The following TEX38 variants were observed in gnomAD, a reference collection of about 807,000 sequenced individuals.
TEX38 encodes the protein testis expressed 38, also known as testis-expressed protein 38.
TEX38 carries 5 observed loss-of-function variants against 2.7 expected under a neutral mutation model. That is an observed-to-expected ratio of 1.86 (90% CI 0.97 to 3.90). TEX38 has a LOEUF of 3.90. TEX38 is among the 30% of genes most tolerant of loss of function. The pLI is 0.00. For synonymous variants in TEX38, 110 were observed against 103.3 expected (o/e 1.06, Z -0.39); for missense variants, 218 against 247.9 (o/e 0.88, Z 0.81).
rs1376162735 is a variant in TEX38 at position 46,673,185 on chromosome 1, A to G, written c.350A>G (p.Asp117Gly). 6.4e-7 allele frequency: 1 copy of G among 1,551,446 alleles called. No individual in the cohort carries two copies. ...IPEGRSHADQ[D>G]SNPKAEAPAP... ...GAAGGCAGGAGCCATGCTGACCAAG[A>G]CAGCAACCCCAAGGCGGAAGCCCCT... The change falls in exon 2 of 2, where the codon GAC (aspartate) becomes GGC (glycine). Residue 117 changes from aspartate (D) to glycine (G), a missense_variant. Asp to Gly is a moderately conservative substitution (Grantham distance 94). Transcript: ENST00000334122.
In TEX38 at chr1:46,673,339, C is replaced by T. The variant is rs149831724; in HGVS notation, c.504C>T (p.His168=). The T allele has an allele frequency of 3.4e-5, 52 of 1,551,828 alleles. 1 individual carries two copies. In the East Asian group the frequency reaches 1.2e-3, roughly 36 times the overall value. The change falls in exon 2 of 2, where the codon CAC becomes CAT. Residue 168 remains histidine (H), a synonymous_variant. Coordinates refer to ENST00000334122, the MANE Select transcript of TEX38 (RefSeq NM_001145474.4). The part of the protein sequence containing the change: ...PLCNLPPLLN[H]SVSYPLATCP... Reference sequence around the variant, plus strand: ...GCAACCTACCCCCCCTGCTGAACCACTCTGTCTCCTATCCTTTGGCCACCT... The same window carrying T: ...GCAACCTACCCCCCCTGCTGAACCATTCTGTCTCCTATCCTTTGGCCACCT...
intron 1 of TEX38, 81 bp from the exon 2 acceptor site, chr1:46,672,792 T>G (rs1676608603): frequency 3.9e-6 from 5 of 1,288,370 alleles, no homozygotes; most frequent in Non-Finnish European, 5.3e-6. Context: ...ATGGGTTAAG[T>G]GAAAGAGGAA....
intron 1 of TEX38, 140 bp from the exon 2 acceptor site, chr1:46,672,733 G>A: frequency 1.3e-6 from 1 of 762,542 alleles, no homozygotes. Context: ...AAGTCAATAA[G>A]GGAGGGAAGG....
intron 1 of TEX38, 124 bp downstream of exon 1, chr1:46,672,095 G>A: frequency 1.1e-6 from 1 of 916,400 alleles, no homozygotes; most frequent in Non-Finnish European, 1.6e-6. Context: ...TAAGCAGTTA[G>A]GAGATAGTCT....
upstream of TEX38, chr1:46,671,780 A>T (rs1353377083): frequency 1.3e-6 from 1 of 781,652 alleles, no homozygotes; most frequent in East Asian, 2.7e-5. Context: ...AGAATGCCCA[A>T]TTCTCAGAAC....
In TEX38 at chr1:46,671,931, C is replaced by G; in HGVS notation, c.-4C>G. 6.5e-7 allele frequency: 1 copy of G among 1,550,282 alleles called. No homozygotes were observed. Among genetic ancestry groups the G allele is most frequent in the Non-Finnish European group, 8.7e-7 (1 of 1,146,174 alleles). On this transcript the variant is annotated 5_prime_UTR_variant, in exon 1 of 2. Transcript: ENST00000334122. ...CCATCGGCCAGGTACCAAAGCTCAG[C>G]TGTATGGATTCCCAACAGGAGGACC...
rs1676627971 is a variant in TEX38 at position 46,673,346 on chromosome 1, T to C, written c.511T>C (p.Ser171Pro). The C allele has an allele frequency of 6.4e-7, 1 of 1,551,794 alleles. No individual in the cohort carries two copies. The highest frequency in any genetic ancestry group is 8.7e-7 in the Non-Finnish European group (1 of 1,147,022). ...NLPPLLNHSVSYPLATCPERN... is the reference protein window; with the variant it reads ...NLPPLLNHSVPYPLATCPERN... ...ACCCCCCCTGCTGAACCACTCTGTC[T>C]CCTATCCTTTGGCCACCTGTCCTGA... Residue 171 changes from serine (S) to proline (P), a missense_variant, in exon 2 of 2, where the codon TCC becomes CCC. Transcript: ENST00000334122.
In TEX38 at chr1:46,673,064, A is replaced by G. The variant is rs772346880; in HGVS notation, c.229A>G (p.Met77Val). Residue 77 changes from methionine (M) to valine (V), a missense_variant, in exon 2 of 2, where the codon ATG (methionine) becomes GTG (valine). By Grantham distance (21) the Met-to-Val change is conservative. Transcript: ENST00000334122. ...YWINKRRRYG[M>V]NAAINTGPAP... is the part of the protein sequence containing the mutation. ...GATTAACAAGCGACGGCGCTACGGCATGAATGCAGCCATCAACACGGGCCC... is the reference window on the plus strand; with the variant it reads ...GATTAACAAGCGACGGCGCTACGGCGTGAATGCAGCCATCAACACGGGCCC... 1 of 1,551,796 alleles carries G rather than the reference A, an allele frequency of 6.4e-7. No homozygotes were observed. Among genetic ancestry groups the G allele is most frequent in the South Asian group, 1.2e-5 (1 of 84,062 alleles).
At chr1:46,669,305 A>G (rs2148830420), upstream of TEX38, 1 of 422,440 alleles carries the variant, frequency 2.4e-6, no homozygotes, top group South Asian at 1.7e-5. Context: ...AATCCAACCT[A>G]TGCTCATGGA....
Position 46,673,209 on chromosome 1 carries a change from C to T in TEX38, c.374C>T (p.Pro125Leu), listed in dbSNP as rs1357869432. Residue 125 changes from proline (P) to leucine (L), a missense_variant, in exon 2 of 2, where the codon CCT becomes CTT. Transcript: ENST00000334122. ...DQDSNPKAEA[P>L]APLQPALQLA... is the part of the protein sequence containing the mutation. Reference sequence around the variant, plus strand: ...GACAGCAACCCCAAGGCGGAAGCCCCTGCTCCCCTGCAACCTGCACTGCAG... The same window carrying T: ...GACAGCAACCCCAAGGCGGAAGCCCTTGCTCCCCTGCAACCTGCACTGCAG... 1 of 1,550,592 alleles carries T rather than the reference C, an allele frequency of 6.4e-7. No individual in the cohort carries two copies. The highest frequency in any genetic ancestry group is 8.7e-7 in the Non-Finnish European group (1 of 1,146,378).
chr1:46,671,681 AAGT>A (rs2148831291), upstream of TEX38: 2 of 521,670 alleles, frequency 3.8e-6, no homozygotes, highest in East Asian at 6.7e-5. Context: ...TCTCTGATGG[AAGT>A]AGTAGTGACA....
At position 46,672,888 on chromosome 1, in the gene TEX38, A is replaced by G. The variant is rs1485084346; in HGVS notation, c.53A>G (p.Tyr18Cys). 5.8e-6 allele frequency: 9 copies of G among 1,550,992 alleles called. No homozygotes were observed. Among genetic ancestry groups the G allele is most frequent in the Non-Finnish European group, 7.0e-6 (8 of 1,146,692 alleles). The part of the protein sequence containing the change: ...LRFPGMWVSL[Y>C]FGILGLCSVI... Reference sequence around the variant, plus strand: ...GCTGCCTTAGTGTGGGTCTCATTGTACTTTGGAATCCTGGGGCTGTGTTCT... The same window carrying G: ...GCTGCCTTAGTGTGGGTCTCATTGTGCTTTGGAATCCTGGGGCTGTGTTCT... The change falls in exon 2 of 2, where the codon TAC (tyrosine) becomes TGC (cysteine). Residue 18 changes from tyrosine (Y) to cysteine (C), a missense_variant. Physicochemically the swap from Tyr to Cys is radical, Grantham distance 194. Coordinates refer to ENST00000334122, the MANE Select transcript of TEX38 (RefSeq NM_001145474.4).
At chr1:46,670,478 A>C (rs1334496435), upstream of TEX38, among the ~76,000 whole-genome samples, 2 of 152,202 alleles carry the variant, frequency 1.3e-5, no homozygotes, top group African/African-American at 2.4e-5. Flanking sequence ...AGGGATGTCA[A>C]CCAGGTATTT....
Position 46,673,186 on chromosome 1 carries a change from C to G in TEX38, c.351C>G (p.Asp117Glu), listed in dbSNP as rs960947295. ...AAGGCAGGAGCCATGCTGACCAAGA[C>G]AGCAACCCCAAGGCGGAAGCCCCTG... ...IPEGRSHADQ[D>E]SNPKAEAPAP... Residue 117 changes from aspartate (D) to glutamate (E), a missense_variant, in exon 2 of 2, where the codon GAC becomes GAG. Asp to Glu is a conservative substitution (Grantham distance 45). Coordinates refer to ENST00000334122, the MANE Select transcript of TEX38 (RefSeq NM_001145474.4). 5 of 1,551,222 alleles carry G rather than the reference C, an allele frequency of 3.2e-6. No homozygotes were observed. The Admixed American group carries it at 5.9e-5, about 18-fold the overall frequency.
upstream of TEX38, chr1:46,671,853 C>A (rs1250661854): frequency 7.1e-7 from 1 of 1,403,846 alleles, no homozygotes; most frequent in Admixed American, 2.0e-5. Flanking sequence ...ATTGGCTGGG[C>A]AGATGGGCTG....
rs1347594135 is a variant in TEX38, at chr1:46,673,083, C to A, written c.248C>A (p.Thr83Lys). ...TACGGCATGAATGCAGCCATCAACA[C>A]GGGCCCTGCCCCTGCTGTCACCAAG... ...RRYGMNAAIN[T>K]GPAPAVTKTE... is the part of the protein sequence containing the mutation. Residue 83 changes from threonine to lysine, a missense_variant, in exon 2 of 2, where the codon ACG (threonine) becomes AAG (lysine). Transcript: ENST00000334122. 2 of 1,551,776 alleles carry A rather than the reference C, an allele frequency of 1.3e-6. No homozygotes were observed. The highest frequency in any genetic ancestry group is 1.7e-6 in the Non-Finnish European group (2 of 1,147,014).
upstream of TEX38, among the ~76,000 whole-genome samples, chr1:46,671,620 C>T (rs1284419418): frequency 5.9e-5 from 9 of 152,150 alleles, no homozygotes; most frequent in Non-Finnish European, 4.4e-5. Flanking sequence ...GGGGTCTGCT[C>T]TGTGGGTTCA....
At chr1:46,672,246 C>CTT (rs199795962) in intron 1 of TEX38, among the ~76,000 whole-genome samples, 48 of 141,480 alleles carry the variant, frequency 3.4e-4, no homozygotes, top group East Asian at 1.4e-3. Flanking sequence ...TGAACTTTCA[C>CTT]TTTTTTTTTT....
In TEX38 at chr1:46,672,121, G is replaced by A. The variant is rs919304336; in HGVS notation, c.37+150G>A. On this transcript the variant is annotated intron_variant, in intron 1 of 1. Coordinates refer to ENST00000334122, the MANE Select transcript of TEX38 (RefSeq NM_001145474.4). ...GAGATAGTCTACTCTAGAAAACTAA[G>A]AATTATTTTAAGGCAAAGACCATGC... 1.2e-5 allele frequency: 9 copies of A among 752,466 alleles called. No individual in the cohort carries two copies. The African/African-American group carries it at 1.6e-4, about 13-fold the overall frequency. 46.6% of individuals were successfully genotyped at this position (752,466 alleles called of 1,614,324 possible). A position where few individuals can be genotyped will look rare whatever the true frequency, so the allele number is the denominator to read the frequency against.
Sources: gnomAD v4.1 joint callset for allele counts (sites outside exome capture counted in the v4.1 genomes callset) on GRCh38, gnomAD v4.1.1 for gene constraint, MANE v1.5 for transcripts, NCBI Gene and HGNC (gene_info 2026-07-23, HGNC 2026-07-21) for gene names.